Variants in GRXCR2 observed in about 807,000 individuals in gnomAD.
GRXCR2 encodes glutaredoxin and cysteine rich domain containing 2.
GRXCR2 carries 23 observed loss-of-function variants against 24.8 expected under a neutral mutation model. The ratio of observed to expected loss-of-function variants is 0.93; its 90% confidence interval spans 0.67 to 1.32. GRXCR2 has a LOEUF of 1.32. Among genes scored for constraint, GRXCR2 ranks in the 40% most tolerant of loss-of-function variants. The pLI is 0.00. For missense variants in GRXCR2, 315 were observed against 303.4 expected (o/e 1.04, Z -0.28); for synonymous variants, 130 against 116.1 (o/e 1.12, Z -0.77).
chr5:145,907,754 G>T (rs536288543), intron 2 of GRXCR2, among the ~76,000 whole-genome samples: 1 of 152,252 alleles, frequency 6.6e-6, no homozygotes, highest in African/African-American at 2.4e-5. Context: ...AGAAGAATAG[G>T]TATTGGGGAC....
At chr5:145,924,896 C>T (rs889777262) in intron 2 of GRXCR2, among the ~76,000 whole-genome samples, 2 of 152,198 alleles carry the variant, frequency 1.3e-5, no homozygotes, top group African/African-American at 4.8e-5. Flanking sequence ...TGTGAGTTGA[C>T]AGTCATGAAA....
At chr5:145,883,885 G>A (rs1756740219) in intron 2 of GRXCR2, among the ~76,000 whole-genome samples, 2 of 152,164 alleles carry the variant, frequency 1.3e-5, no homozygotes, top group South Asian at 4.1e-4. Context: ...GAGACCCAAA[G>A]TTGGCTTATG....
intron 2 of GRXCR2, among the ~76,000 whole-genome samples, chr5:145,893,977 A>G (rs1430031410): frequency 1.3e-5 from 2 of 151,824 alleles, no homozygotes; most frequent in African/African-American, 4.9e-5. Context: ...GGATTAAGAA[A>G]CTCACTCAAA....
chr5:145,897,526 C>T (rs575377792), intron 2 of GRXCR2, among the ~76,000 whole-genome samples: 2 of 152,014 alleles, frequency 1.3e-5, no homozygotes, highest in African/African-American at 4.8e-5. Context: ...TTCTTCTAAT[C>T]TGTACATGGA....
intron 1 of GRXCR2, among the ~76,000 whole-genome samples, chr5:145,867,094 ATC>A (rs1756451160): frequency 6.6e-6 from 1 of 152,326 alleles, no homozygotes; most frequent in East Asian, 1.9e-4. Flanking sequence ...TTATATAAAT[ATC>A]TCTCCAATTT....
In GRXCR2 at chr5:145,894,724, T is replaced by C. The variant is rs551638742; in HGVS notation, c.-69-27996A>G. On this transcript the variant is annotated intron_variant, in intron 2 of 3. Transcript: ENST00000639411. ...GAAATACAAGGAGGAGCTGGTACCA[T>C]TCCTTCTGAAACTATTCCAATCAAT... Among the ~76,000 whole-genome samples, 3 of 152,254 alleles carry C rather than the reference T, an allele frequency of 2.0e-5. No individual in the cohort carries two copies. The South Asian group carries it at 6.2e-4, about 32-fold the overall frequency.
chr5:145,882,216 C>T (rs546003198), intron 2 of GRXCR2, among the ~76,000 whole-genome samples: 28 of 152,190 alleles, frequency 1.8e-4, no homozygotes, highest in African/African-American at 6.0e-4. Flanking sequence ...AAGAAACTAC[C>T]GTCAGAGTGA....
At chr5:145,896,647 A>G (rs1756954511) in intron 2 of GRXCR2, among the ~76,000 whole-genome samples, 1 of 152,168 alleles carries the variant, frequency 6.6e-6, no homozygotes, top group Non-Finnish European at 1.5e-5. Context: ...GGTGCTGGAG[A>G]GGATGTGGAG....
intron 2 of GRXCR2, among the ~76,000 whole-genome samples, chr5:145,901,810 A>T (rs1163146617): frequency 6.6e-6 from 1 of 152,178 alleles, no homozygotes; most frequent in Non-Finnish European, 1.5e-5. Flanking sequence ...CAAGGATGCC[A>T]CTGTAGCTGG....
intron 2 of GRXCR2, among the ~76,000 whole-genome samples, chr5:145,889,051 G>C (rs1756818876): frequency 1.3e-5 from 2 of 151,976 alleles, no homozygotes; most frequent in South Asian, 4.2e-4. Flanking sequence ...GCAGGCGCCT[G>C]TAATCCTGAG....
In GRXCR2 at chr5:145,929,199, CTATA is replaced by C. The variant is rs72283862; in HGVS notation, c.-70+6498_-70+6501del. ...TTTAATAGTTGTATAATATTCCCCC[CTATA>C]TATATATATATATATATATATCACC... On this transcript the variant is annotated intron_variant, in intron 2 of 3. Coordinates refer to the GRXCR2 transcript ENST00000639411. Among the ~76,000 whole-genome samples the C allele has an allele frequency of 1.7e-3, 202 of 116,432 alleles. 4 individuals are homozygous for C. Among genetic ancestry groups the C allele is most frequent in the African/African-American group, 4.4e-3 (139 of 31,670 alleles). 76.4% of individuals were successfully genotyped at this position (116,432 alleles called of 152,430 possible).
At chr5:145,914,113 T>C (rs1001761375) in intron 2 of GRXCR2, among the ~76,000 whole-genome samples, 3 of 152,126 alleles carry the variant, frequency 2.0e-5, no homozygotes, top group Non-Finnish European at 2.9e-5. Context: ...CAGGAGATCA[T>C]CCCTGGGATG....
chr5:145,897,043 C>T (rs1337531357), intron 2 of GRXCR2, among the ~76,000 whole-genome samples: 6 of 148,650 alleles, frequency 4.0e-5, no homozygotes, highest in Non-Finnish European at 8.9e-5. Flanking sequence ...GACAAAAAAC[C>T]AAACACCACA....
chr5:145,900,897 C>A (rs2149922446), intron 2 of GRXCR2, among the ~76,000 whole-genome samples: 1 of 152,236 alleles, frequency 6.6e-6, no homozygotes, highest in South Asian at 2.1e-4. Context: ...ACCTAGGTGC[C>A]CATCAGTGGT....
chr5:145,865,865 C>T (rs532410732), intron 2 of GRXCR2, among the ~76,000 whole-genome samples: 8 of 152,212 alleles, frequency 5.3e-5, no homozygotes, highest in South Asian at 2.1e-4. Flanking sequence ...AGGCCAGGCA[C>T]GGTGGCTCAT....
chr5:145,906,591 C>A (rs1352777936), intron 2 of GRXCR2, among the ~76,000 whole-genome samples: 1 of 152,186 alleles, frequency 6.6e-6, no homozygotes, highest in Non-Finnish European at 1.5e-5. Flanking sequence ...CAATCACATT[C>A]CTTTCTGGCT....
intron 2 of GRXCR2, among the ~76,000 whole-genome samples, chr5:145,914,612 G>A (rs551908737): frequency 2.8e-5 from 4 of 140,644 alleles, no homozygotes; most frequent in African/African-American, 1.1e-4. Context: ...GGAGGTGAAG[G>A]TTGCAGTGAG....
intron 2 of GRXCR2, among the ~76,000 whole-genome samples, chr5:145,894,929 T>A (rs557958059): frequency 6.6e-6 from 1 of 152,212 alleles, no homozygotes; most frequent in Admixed American, 6.5e-5. Flanking sequence ...CCAAAAAGCT[T>A]ATTCACCATG....
chr5:145,896,196 C>A (rs1756945886), intron 2 of GRXCR2, among the ~76,000 whole-genome samples: 1 of 152,112 alleles, frequency 6.6e-6, no homozygotes, highest in African/African-American at 2.4e-5. Context: ...AAAACCTAGG[C>A]ATTACCATTC....
Sources: gnomAD v4.1 joint callset for allele counts (sites outside exome capture counted in the v4.1 genomes callset) on GRCh38, gnomAD v4.1.1 for gene constraint, MANE v1.5 for transcripts, NCBI Gene and HGNC (gene_info 2026-07-23, HGNC 2026-07-21) for gene names.